IGSF21: variants seen among roughly 807,000 people sequenced by gnomAD.
The protein encoded by IGSF21 is immunoglobulin superfamily member 21.
Under a neutral mutation model 46.8 loss-of-function variants are expected in IGSF21, and 28 were observed. That is an observed-to-expected ratio of 0.60 (90% CI 0.44 to 0.82). IGSF21 has a LOEUF of 0.82. Among genes scored for constraint, IGSF21 ranks in the 40% least tolerant of loss-of-function variants. IGSF21 has a pLI of 0.00. For synonymous variants in IGSF21, 284 were observed against 273.6 expected, an observed-to-expected ratio of 1.04 and a Z score of -0.38; for missense variants, 624 against 665.5, an observed-to-expected ratio of 0.94 and a Z score of 0.69.
intron 2 of IGSF21, among the ~76,000 whole-genome samples, chr1:18,263,828 G>T (rs1014721731): frequency 1.3e-5 from 2 of 152,164 alleles, no homozygotes; most frequent in South Asian, 4.1e-4. Context: ...TAAAAAACAA[G>T]AAAATTTTCT....
chr1:18,109,466 C>G lies in IGSF21; in HGVS notation c.70+1268C>G, dbSNP rs557889342. 2 of 152,348 alleles carry G rather than the reference C, an allele frequency of 1.3e-5. No homozygotes were observed. The highest frequency in any genetic ancestry group is 3.4e-3 in the Middle Eastern group (1 of 294). The allele number at this position is 152,348 out of a possible 1,614,324, so 9.4% of individuals were successfully genotyped here. A position where few individuals can be genotyped will look rare whatever the true frequency, so the allele number is the denominator to read the frequency against. On this transcript the variant is annotated intron_variant, in intron 1 of 9. Coordinates refer to ENST00000251296, the MANE Select transcript of IGSF21 (RefSeq NM_032880.5). The surrounding 1 kb of genome is among the most constrained non-coding windows in gnomAD (Gnocchi z 4.8). ...CCTCTGTCCTATGCCATAGCCTTGT[C>G]CCAGCAGGAGGTGCCTACCTAGGCT...
chr1:18,164,732 A>T (rs538217565), intron 1 of IGSF21, among the ~76,000 whole-genome samples: 1 of 145,672 alleles, frequency 6.9e-6, no homozygotes, highest in African/African-American at 2.5e-5. Flanking sequence ...TTTTTCTTTT[A>T]TATATATATA....
At chr1:18,373,408 G>A (rs576459377) in intron 6 of IGSF21, among the ~76,000 whole-genome samples, 44 of 152,266 alleles carry the variant, frequency 2.9e-4, no homozygotes, top group African/African-American at 8.7e-4. Context: ...GGCCAGGCTC[G>A]GAGTGTCAGG....
intron 1 of IGSF21, among the ~76,000 whole-genome samples, chr1:18,132,940 A>G (rs897997463): frequency 6.6e-6 from 1 of 152,118 alleles, no homozygotes; most frequent in Non-Finnish European, 1.5e-5. Context: ...GGACGGAGAC[A>G]GGGTTGAGTG....
intron 2 of IGSF21, among the ~76,000 whole-genome samples, chr1:18,243,328 G>A (rs1438435560): frequency 6.6e-6 from 1 of 151,998 alleles, no homozygotes; most frequent in Admixed American, 6.5e-5. Context: ...TTTCCGAAGC[G>A]AAAAATCTAG....
intron 1 of IGSF21, among the ~76,000 whole-genome samples, chr1:18,173,182 G>T (rs1481396270): frequency 6.6e-6 from 1 of 152,102 alleles, no homozygotes; most frequent in East Asian, 1.9e-4. Context: ...CAGCTACTTG[G>T]GAGGCTGAGG....
intron 4 of IGSF21, among the ~76,000 whole-genome samples, chr1:18,339,553 G>A (rs1038594305): frequency 2.0e-5 from 3 of 152,070 alleles, no homozygotes; most frequent in African/African-American, 7.2e-5. Flanking sequence ...GCAACCTGGC[G>A]AAATCCCGTT....
intron 1 of IGSF21, among the ~76,000 whole-genome samples, chr1:18,160,514 G>A (rs1011153210): frequency 1.3e-5 from 2 of 152,116 alleles, no homozygotes; most frequent in African/African-American, 4.8e-5. Flanking sequence ...GGCACACTTG[G>A]CTCTGCACTT....
intron 6 of IGSF21, among the ~76,000 whole-genome samples, chr1:18,368,341 TAAA>T (rs34608095): frequency 2.3e-3 from 332 of 147,398 alleles, no homozygotes; most frequent in African/African-American, 7.8e-3. Context: ...CCATCTCTAC[TAAA>T]AAAAAAAAAT....
intron 1 of IGSF21, among the ~76,000 whole-genome samples, chr1:18,137,606 C>T (rs1023241022): frequency 6.6e-6 from 1 of 152,090 alleles, no homozygotes; most frequent in African/African-American, 2.4e-5. Context: ...TTGTACAGTG[C>T]AGGACAAAGC....
Position 18,130,669 on chromosome 1 carries a change from A to T in IGSF21, c.70+22471A>T, listed in dbSNP as rs2124416106. Among the ~76,000 whole-genome samples, 4 of 152,316 alleles carry T rather than the reference A, an allele frequency of 2.6e-5. 1 individual carries two copies. The South Asian group carries it at 8.3e-4, about 32-fold the overall frequency. ...TGTCAGAGCCCGGATTCAAATCCAG[A>T]TCAGCTGGCTCTCAGGAGCTCAGAA... On this transcript the variant is annotated intron_variant, in intron 1 of 9. Coordinates refer to ENST00000251296, the MANE Select transcript of IGSF21 (RefSeq NM_032880.5).
chr1:18,295,979 G>A (rs2085308527), intron 3 of IGSF21, among the ~76,000 whole-genome samples: 1 of 152,196 alleles, frequency 6.6e-6, no homozygotes, highest in African/African-American at 2.4e-5. Flanking sequence ...ATAATGAAAT[G>A]TGCAAAATGA....
intron 3 of IGSF21, among the ~76,000 whole-genome samples, chr1:18,324,426 G>A (rs1293308058): frequency 4.6e-5 from 7 of 152,170 alleles, no homozygotes; most frequent in African/African-American, 9.7e-5. Context: ...TGGCCGGATC[G>A]CCAAGCCTCC....
At chr1:18,162,366 T>C (rs1173710150) in intron 1 of IGSF21, among the ~76,000 whole-genome samples, 3 of 152,114 alleles carry the variant, frequency 2.0e-5, no homozygotes, top group African/African-American at 7.2e-5. Flanking sequence ...ATTTTTCTAC[T>C]TTACGTTAAT....
intron 1 of IGSF21, among the ~76,000 whole-genome samples, chr1:18,121,185 G>A (rs144279812): frequency 1.3e-5 from 2 of 152,170 alleles, no homozygotes; most frequent in African/African-American, 2.4e-5. Flanking sequence ...GCAGATGGGG[G>A]AAGGGAAGAT....
Position 18,359,338 on chromosome 1 carries a change from A to AAAGAAAGAAAGAAAGAAAGAAAG in IGSF21, c.425-2775_425-2774insGAAAGAAAGAAAGAAAGAAAGAA, listed in dbSNP as rs1557659426. Among the ~76,000 whole-genome samples the AAAGAAAGAAAGAAAGAAAGAAAG allele has an allele frequency of 1.1e-3, 39 of 35,358 alleles. 1 individual carries two copies. The highest frequency in any genetic ancestry group is 1.6e-3 in the African/African-American group (17 of 10,478). The allele number at this position is 35,358 out of a possible 152,430, so 23.2% of individuals were successfully genotyped here. On this transcript the variant is annotated intron_variant, in intron 4 of 9. Coordinates refer to ENST00000251296, the MANE Select transcript of IGSF21 (RefSeq NM_032880.5). ...AAAGAGAGAGAGAGAAAGAGAAAGA[A>AAAGAAAGAAAGAAAGAAAGAAAG]AAAGAAAGAAAGAAAGAAAGAAAGA...
Position 18,330,591 on chromosome 1 carries a change from G to A in IGSF21, c.306-4301G>A, listed in dbSNP as rs10796447. ...TGGGAGAAGGGAAGGTGGGAGACAT[G>A]GCTGGAGGAAGGGGCAGGGGCGTGG... On this transcript the variant is annotated intron_variant, in intron 3 of 9. Transcript: ENST00000251296. Among the ~76,000 whole-genome samples the A allele has an allele frequency of 6.4e-3, 422 of 65,980 alleles. 22 individuals carry two copies. Among genetic ancestry groups the A allele is most frequent in the Middle Eastern group, 0.021 (2 of 94 alleles). 43.3% of individuals were successfully genotyped at this position (65,980 alleles called of 152,430 possible). A position where few individuals can be genotyped will look rare whatever the true frequency, so the allele number is the denominator to read the frequency against.
intron 1 of IGSF21, among the ~76,000 whole-genome samples, chr1:18,193,091 G>A (rs2086973111): frequency 6.6e-6 from 1 of 152,038 alleles, no homozygotes; most frequent in African/African-American, 2.4e-5. Flanking sequence ...GTGGCCCACA[G>A]GGAAGGGGGT....
chr1:18,352,610 T>C (rs1003191594), intron 4 of IGSF21, among the ~76,000 whole-genome samples: 2 of 152,162 alleles, frequency 1.3e-5, no homozygotes, highest in Non-Finnish European at 2.9e-5. Context: ...CCCCTTTCTT[T>C]ACAGGTGTGT....
Sources: allele counts gnomAD v4.1 joint callset (sites outside exome capture counted in the v4.1 genomes callset), GRCh38; gene constraint gnomAD v4.1.1; non-coding constraint Gnocchi (gnomAD v3.1); transcripts MANE v1.5; gene names NCBI Gene and HGNC (gene_info 2026-07-23, HGNC 2026-07-21).